The following LRFN2 variants were observed in gnomAD, a reference collection of about 807,000 sequenced individuals.
LRFN2 encodes leucine rich repeat and fibronectin type III domain containing 2, also known as leucine-rich repeat and fibronectin type-III domain-containing protein 2.
Under a neutral mutation model 37.3 loss-of-function variants are expected in LRFN2, and 18 were observed. The ratio of observed to expected loss-of-function variants is 0.48; its 90% CI spans 0.33 to 0.72. The LOEUF is 0.72. Among genes scored for constraint, LRFN2 ranks in the 30% least tolerant of loss-of-function variants. The pLI, the probability that LRFN2 is intolerant of heterozygous loss-of-function variation, is 0.02. For synonymous variants in LRFN2, 556 were observed against 466.6 expected, an observed-to-expected ratio of 1.19 and a Z score of -2.47; for missense variants, 1,006 against 1,060.7, an observed-to-expected ratio of 0.95 and a Z score of 0.72.
chr6:40,585,808 T>C (rs1279638632), intron 1 of LRFN2, among the ~76,000 whole-genome samples: 1 of 151,986 alleles, frequency 6.6e-6, no homozygotes, highest in African/African-American at 2.4e-5. Flanking sequence ...AGGCCACAGC[T>C]GCCACCTCCC....
chr6:40,510,164 G>A (rs1765663751), intron 1 of LRFN2, among the ~76,000 whole-genome samples: 1 of 151,666 alleles, frequency 6.6e-6, no homozygotes, highest in South Asian at 2.1e-4. Flanking sequence ...CAGGTAGGAG[G>A]GGTGGGTGCA....
intron 1 of LRFN2, among the ~76,000 whole-genome samples, chr6:40,525,578 C>G (rs1407330707): frequency 6.6e-6 from 1 of 152,198 alleles, no homozygotes; most frequent in East Asian, 1.9e-4. Context: ...TAATATAAAA[C>G]TGACAGAAAT....
intron 1 of LRFN2, chr6:40,523,819 T>G (rs1161866733): frequency 6.6e-6 from 1 of 152,184 alleles, no homozygotes; most frequent in Non-Finnish European, 1.5e-5. Flanking sequence ...GGTCTGTGCT[T>G]GAGCTCCTGT....
intron 2 of LRFN2, among the ~76,000 whole-genome samples, chr6:40,431,428 A>C (rs2113823363): frequency 6.6e-6 from 1 of 152,336 alleles, no homozygotes; most frequent in South Asian, 2.1e-4. Flanking sequence ...AACATTCATA[A>C]GCTCATAGCC....
chr6:40,456,827 T>C (rs1764245533), intron 1 of LRFN2, among the ~76,000 whole-genome samples: 2 of 152,152 alleles, frequency 1.3e-5, no homozygotes, highest in South Asian at 4.2e-4. Context: ...GCTATGCTCC[T>C]TGGGTCAAGG....
chr6:40,585,852 TACACACACACACAC>T (rs59391301), intron 1 of LRFN2, among the ~76,000 whole-genome samples: 1 of 148,690 alleles, frequency 6.7e-6, no homozygotes, highest in African/African-American at 2.5e-5. Flanking sequence ...CACACACGCG[TACACACACACACAC>T]ACACACACAC....
intron 2 of LRFN2, among the ~76,000 whole-genome samples, chr6:40,394,788 G>A (rs1184491146): frequency 6.6e-6 from 1 of 152,086 alleles, no homozygotes; most frequent in Non-Finnish European, 1.5e-5. Context: ...TCTCATGACA[G>A]TGAACAAATC....
chr6:40,417,576 G>T (rs1042331228), intron 2 of LRFN2, among the ~76,000 whole-genome samples: 3 of 152,144 alleles, frequency 2.0e-5, no homozygotes, highest in African/African-American at 7.2e-5. Flanking sequence ...GGGTAGAGGG[G>T]GTGGGGAATG....
At chr6:40,446,672 G>A (rs1390358334) in intron 1 of LRFN2, among the ~76,000 whole-genome samples, 1 of 152,258 alleles carries the variant, frequency 6.6e-6, no homozygotes, top group East Asian at 1.9e-4. Flanking sequence ...CTGGGAGGCT[G>A]CAATCTATTA....
intron 1 of LRFN2, among the ~76,000 whole-genome samples, chr6:40,493,427 T>G (rs1024725708): frequency 6.6e-6 from 1 of 152,224 alleles, no homozygotes; most frequent in South Asian, 2.1e-4. Context: ...CATTCCACTG[T>G]GTGTGGGCAG....
intron 2 of LRFN2, among the ~76,000 whole-genome samples, chr6:40,395,105 G>A (rs2082557): frequency 0.1 from 15,184 of 152,022 alleles, 1,150 homozygotes; most frequent in East Asian, 0.31. Context: ...CAAGGACCCT[G>A]CAGCCAGCCC....
At chr6:40,520,511 C>T (rs866556893) in intron 1 of LRFN2, among the ~76,000 whole-genome samples, 7 of 152,174 alleles carry the variant, frequency 4.6e-5, no homozygotes, top group African/African-American at 1.7e-4. Flanking sequence ...TTGGGTCCCA[C>T]CTAACCATCC....
chr6:40,563,678 C>A (rs2113790057), intron 1 of LRFN2, among the ~76,000 whole-genome samples: 1 of 152,272 alleles, frequency 6.6e-6, no homozygotes, highest in East Asian at 1.9e-4. Flanking sequence ...ATGTCACAAA[C>A]AGCCTCATTT....
At chr6:40,509,674 G>T (rs928504998) in intron 1 of LRFN2, among the ~76,000 whole-genome samples, 6 of 151,204 alleles carry the variant, frequency 4.0e-5, no homozygotes, top group African/African-American at 1.5e-4. Context: ...CAGGCAGTGG[G>T]GGTGGGTGCA....
intron 1 of LRFN2, among the ~76,000 whole-genome samples, chr6:40,435,600 A>G (rs1031921130): frequency 6.6e-6 from 1 of 151,958 alleles, no homozygotes; most frequent in Non-Finnish European, 1.5e-5. Context: ...GTACAGTGGC[A>G]TGATCTCAGC....
intron 1 of LRFN2, among the ~76,000 whole-genome samples, chr6:40,530,473 T>C (rs1366678422): frequency 6.6e-6 from 1 of 152,140 alleles, no homozygotes; most frequent in African/African-American, 2.4e-5. Context: ...GTGGTGATTG[T>C]CAAAATGACC....
intron 1 of LRFN2, among the ~76,000 whole-genome samples, chr6:40,526,708 G>A (rs1766261446): frequency 6.6e-6 from 1 of 152,082 alleles, no homozygotes; most frequent in Non-Finnish European, 1.5e-5. Context: ...GTGGCCATCC[G>A]GTCCCTCCCC....
intron 1 of LRFN2, among the ~76,000 whole-genome samples, chr6:40,484,096 GGCC>G (rs201321662): frequency 6.6e-6 from 1 of 152,166 alleles, no homozygotes; most frequent in Admixed American, 6.5e-5. Context: ...AGCTCCAGAG[GGCC>G]AGGAGCTAGC....
At chr6:40,401,025 T>G (rs901996150) in intron 2 of LRFN2, among the ~76,000 whole-genome samples, 1 of 147,032 alleles carries the variant, frequency 6.8e-6, no homozygotes, top group African/African-American at 2.4e-5. Flanking sequence ...TCCCACATCC[T>G]CTGAAACTTC....
Sources: allele counts gnomAD v4.1 joint callset (sites outside exome capture counted in the v4.1 genomes callset), GRCh38; gene constraint gnomAD v4.1.1; transcripts MANE v1.5; gene names NCBI Gene and HGNC (gene_info 2026-07-23, HGNC 2026-07-21).